Variants in ABCA4 observed in about 807,000 individuals in gnomAD.
ABCA4 encodes the protein ATP binding cassette subfamily A member 4, also known as retinal-specific phospholipid-transporting ATPase ABCA4.
ABCA4 carries 196 observed loss-of-function variants against 263.7 expected under a neutral mutation model. The ratio of observed to expected loss-of-function variants is 0.74; its 90% CI spans 0.66 to 0.84. ABCA4 has a LOEUF of 0.84. ABCA4 is among the 40% of genes least tolerant of loss of function. The pLI, the probability that ABCA4 is intolerant of heterozygous loss-of-function variation, is 0.00. For missense variants in ABCA4, 2,792 were observed against 2,855.1 expected, an observed-to-expected ratio of 0.98 and a Z score of 0.50; for synonymous variants, 1,133 against 1,094.2, an observed-to-expected ratio of 1.04 and a Z score of -0.70.
chr1:94,097,028 C>A (rs186749694), intron 6 of ABCA4, among the ~76,000 whole-genome samples: 18 of 152,316 alleles, frequency 1.2e-4, no homozygotes, highest in East Asian at 7.7e-4. Flanking sequence ...GAATAAGGGA[C>A]CTTTGTTGCC....
rs767411403 is a variant in ABCA4, at chr1:94,117,006, CTTTCT to C, written c.67-3945_67-3941del. 7.6e-3 allele frequency among the ~76,000 whole-genome samples: 697 copies of C among 91,544 alleles called. 8 individuals carry two copies. Among genetic ancestry groups the C allele is most frequent in the Admixed American group, 0.014 (131 of 9,446 alleles). 60.1% of individuals were successfully genotyped at this position (91,544 alleles called of 152,430 possible). On this transcript the variant is annotated intron_variant, in intron 1 of 49. Coordinates refer to ENST00000370225, the MANE Select transcript of ABCA4 (RefSeq NM_000350.3). ...TCTTTCTTTCTTTCTTTCTTTCTTT[CTTTCT>C]TTCTTTCTTTCTTTCCTTTTCTTTC...
rs777892957 is a variant in ABCA4, at chr1:94,037,236, C to T, written c.3722G>A (p.Arg1241Lys). The part of the protein sequence containing the change: ...FLLPNKNFKH[R>K]AYASLFRELE... Reference sequence around the variant, plus strand: ...CTCTCTGAAAAGGCTGGCATATGCTCTGTGCTTGAAGTTCTTATTTGGAAG... The same window carrying T: ...CTCTCTGAAAAGGCTGGCATATGCTTTGTGCTTGAAGTTCTTATTTGGAAG... Residue 1241 changes from arginine to lysine, a missense_variant, in exon 25 of 50, where the codon AGA (arginine) becomes AAA (lysine). Transcript: ENST00000370225. 2 of 1,614,224 alleles carry T rather than the reference C, an allele frequency of 1.2e-6. No homozygotes were observed. Among genetic ancestry groups the T allele is most frequent in the East Asian group, 2.2e-5 (1 of 44,886 alleles).
chr1:94,100,755 C>T (rs3789422), intron 5 of ABCA4, among the ~76,000 whole-genome samples: 6,767 of 152,234 alleles, frequency 0.044, 156 homozygotes, highest in East Asian at 0.078. Context: ...GGTATCCAGT[C>T]CTGATGGTAA....
rs1557797143 is a variant in ABCA4, at chr1:94,083,543, CT to C, written c.769-103del. 7 of 801,296 alleles carry C rather than the reference CT, an allele frequency of 8.7e-6. No homozygotes were observed. In the African/African-American group the frequency reaches 1.0e-4, roughly 12 times the overall value. The allele number at this position is 801,296 out of a possible 1,614,324, so 49.6% of individuals were successfully genotyped here. ...TCCTATATGTTTGAAAACTCCCCCC[CT>C]CCTTCTTTCTGATCGCAGGATCTTT... On this transcript the variant is annotated intron_variant, in intron 6 of 49. Coordinates refer to ENST00000370225, the MANE Select transcript of ABCA4 (RefSeq NM_000350.3).
chr1:94,019,538 T>A (rs1015707841), intron 36 of ABCA4, 44 bp downstream of exon 36: 5 of 1,555,148 alleles, frequency 3.2e-6, no homozygotes, highest in Non-Finnish European at 3.5e-6. Context: ...AAGCTCCACC[T>A]TGGGCCCACG....
intron 23 of ABCA4, 55 bp downstream of exon 23, chr1:94,041,154 G>C (rs1167414000): frequency 5.0e-6 from 8 of 1,588,704 alleles, no homozygotes; most frequent in Middle Eastern, 1.7e-4. Context: ...TGGCAGCCCC[G>C]TGCTGTGTGC....
chr1:94,105,470 C>T (rs1662405849), intron 4 of ABCA4, among the ~76,000 whole-genome samples: 1 of 152,034 alleles, frequency 6.6e-6, no homozygotes, highest in Admixed American at 6.6e-5. Flanking sequence ...AGGGCGGGGG[C>T]CCAGGTGAAG....
At position 94,008,795 on chromosome 1, in the gene ABCA4, C is replaced by A; in HGVS notation, c.5791G>T (p.Gly1931Cys). 6.2e-7 allele frequency: 1 copy of A among 1,613,830 alleles called. No individual in the cohort carries two copies. ...VAEERQRIIT[G>C]GNKTDILRLH... Reference sequence around the variant, plus strand: ...CTTAAGATGTCAGTTTTATTTCCACCAGTAATAATTCTTTGTCTTTCTTCA... The same window carrying A: ...CTTAAGATGTCAGTTTTATTTCCACAAGTAATAATTCTTTGTCTTTCTTCA... Residue 1931 changes from glycine to cysteine, a missense_variant, in exon 41 of 50, where the codon GGT becomes TGT. Physicochemically the swap from Gly to Cys is radical, Grantham distance 159. Transcript: ENST00000370225.
chr1:94,021,561 G>A, intron 34 of ABCA4, 79 bp downstream of exon 34: 1 of 1,505,504 alleles, frequency 6.6e-7, no homozygotes, highest in Non-Finnish European at 9.2e-7. Context: ...GGAATTTAAT[G>A]AAGGTAGGAA....
At chr1:94,043,150 G>C (rs927862168) in intron 21 of ABCA4, among the ~76,000 whole-genome samples, 186 bp downstream of exon 21, 21 of 152,208 alleles carry the variant, frequency 1.4e-4, no homozygotes, top group African/African-American at 5.1e-4. Context: ...TAAAACCCAG[G>C]CTGCTGTGAG....
chr1:94,031,744 C>T, intron 27 of ABCA4, 34 bp downstream of exon 27: 1 of 1,612,440 alleles, frequency 6.2e-7, no homozygotes, highest in South Asian at 1.1e-5. Flanking sequence ...AGAGGAGCCA[C>T]TGAGCTCAGC....
chr1:94,092,249 G>T (rs1423526828), intron 6 of ABCA4, among the ~76,000 whole-genome samples: 1 of 152,228 alleles, frequency 6.6e-6, no homozygotes, highest in African/African-American at 2.4e-5. Context: ...GGGATGAGCT[G>T]CAGTCTTGAA....
intron 6 of ABCA4, among the ~76,000 whole-genome samples, chr1:94,086,517 T>G (rs978082624): frequency 3.3e-5 from 5 of 152,138 alleles, no homozygotes; most frequent in African/African-American, 1.2e-4. Flanking sequence ...GCCTAGGTAG[T>G]TCTGAGTCAC....
chr1:94,117,538 C>T (rs1226710374), intron 1 of ABCA4, among the ~76,000 whole-genome samples: 1 of 152,158 alleles, frequency 6.6e-6, no homozygotes, highest in East Asian at 1.9e-4. Flanking sequence ...AAGAGACCCA[C>T]CTAGTGATCT....
chr1:94,001,061 C>T lies in ABCA4; in HGVS notation c.6327G>A (p.Leu2109=), dbSNP rs1270278585. ...TGATGATGCTCACGATGACGTTCCA[C>T]AGCATGCGGCGTGCCTGGGGGTCCA... ...TGMDPQARRM[L]WNVIVSIIRE... is the part of the protein sequence containing the mutation. The change falls in exon 46 of 50, where the codon CTG becomes CTA. Residue 2109 remains leucine (L), a synonymous_variant. Transcript: ENST00000370225. 1 of 1,614,168 alleles carries T rather than the reference C, an allele frequency of 6.2e-7. No individual in the cohort carries two copies. The highest frequency in any genetic ancestry group is 2.2e-5 in the East Asian group (1 of 44,872).
At chr1:94,063,371 C>A (rs975022326) in intron 11 of ABCA4, 54 bp from the exon 12 acceptor site, 3 of 1,518,174 alleles carry the variant, frequency 2.0e-6, no homozygotes, top group South Asian at 2.2e-5. Context: ...TGCAAAGACT[C>A]AACTCTACAC....
chr1:94,095,159 G>C (rs1285916881), intron 6 of ABCA4, among the ~76,000 whole-genome samples: 1 of 152,212 alleles, frequency 6.6e-6, no homozygotes, highest in African/African-American at 2.4e-5. Flanking sequence ...TGGGTGGGAT[G>C]GTGTGGGAGG....
intron 5 of ABCA4, among the ~76,000 whole-genome samples, chr1:94,101,356 C>T (rs1329515823): frequency 6.6e-6 from 1 of 152,188 alleles, no homozygotes; most frequent in Non-Finnish European, 1.5e-5. Flanking sequence ...GGAGAGGAAG[C>T]TAAACAGGGC....
intron 11 of ABCA4, among the ~76,000 whole-genome samples, chr1:94,074,849 T>C (rs760577711): frequency 1.3e-5 from 2 of 152,202 alleles, no homozygotes; most frequent in Non-Finnish European, 2.9e-5. Flanking sequence ...GGAATATAAA[T>C]CATTCTACTA....
Sources: allele counts gnomAD v4.1 joint callset (sites outside exome capture counted in the v4.1 genomes callset), GRCh38; gene constraint gnomAD v4.1.1; transcripts MANE v1.5; gene names NCBI Gene and HGNC (gene_info 2026-07-23, HGNC 2026-07-21).